NBEA: variants seen among roughly 807,000 people sequenced by gnomAD.
NBEA encodes the protein lysosomal-trafficking regulator 2.
In NBEA, 44 loss-of-function variants were observed where a neutral mutation model predicts 343.4. The observed-to-expected ratio is 0.13, with a 90% CI of 0.10 to 0.16. The LOEUF (loss-of-function observed/expected upper bound fraction) is 0.16. Ranked by LOEUF, NBEA falls within the 10% of genes least tolerant of loss-of-function variation. The probability of loss-of-function intolerance (pLI) is 1.00; values close to 1 mark genes in which losing one functional copy is unlikely to be tolerated. For synonymous variants in NBEA, 1,175 were observed against 1,238.7 expected (o/e 0.95, Z 1.08); for missense variants, 2,555 against 3,631.3 (o/e 0.70, Z 7.62).
intron 36 of NBEA, among the ~76,000 whole-genome samples, chr13:35,337,070 G>A (rs890493535): frequency 1.3e-5 from 2 of 152,090 alleles, no homozygotes; most frequent in Admixed American, 6.6e-5. Context: ...AAAATATTTA[G>A]TTAGTACAAA....
intron 39 of NBEA, among the ~76,000 whole-genome samples, chr13:35,434,862 T>A (rs934323108): frequency 6.6e-6 from 1 of 152,202 alleles, no homozygotes; most frequent in Non-Finnish European, 1.5e-5. Flanking sequence ...TACATGTCAA[T>A]AATTATTACA....
intron 41 of NBEA, among the ~76,000 whole-genome samples, chr13:35,515,791 T>C (rs1778165497): frequency 6.6e-6 from 1 of 152,064 alleles, no homozygotes; most frequent in South Asian, 2.1e-4. Flanking sequence ...CTTTGTTAAA[T>C]GAAGGGTGTG....
intron 36 of NBEA, among the ~76,000 whole-genome samples, chr13:35,322,145 G>GA (rs1053076740): frequency 1.1e-4 from 16 of 151,172 alleles, no homozygotes; most frequent in Admixed American, 2.0e-4. Context: ...ACTGGGATGT[G>GA]AAAAAAAAAC....
In NBEA at chr13:35,352,276, C is replaced by T. The variant is rs749281887; in HGVS notation, c.6132C>T (p.Leu2044=). The stretch of plus-strand genomic sequence containing the variant: ...CAAATCAGCTGAAACAGAAGATTCT[C>T]AATATTCTCACAAATAAACATGGTG... ...VTANQLKQKI[L]NILTNKHGAW... Residue 2044 remains leucine (L), a synonymous_variant, in exon 38 of 59, where the codon CTC becomes CTT. Coordinates refer to ENST00000379939, the MANE Select transcript of NBEA (RefSeq NM_001385012.1). The T allele has an allele frequency of 1.5e-5, 23 of 1,546,138 alleles. No individual in the cohort carries two copies. The highest frequency in any genetic ancestry group is 2.4e-5 in the East Asian group (1 of 42,038).
At chr13:35,637,436 A>G (rs2153070825) in intron 49 of NBEA, among the ~76,000 whole-genome samples, 1 of 152,288 alleles carries the variant, frequency 6.6e-6, no homozygotes, top group Middle Eastern at 3.4e-3. Flanking sequence ...GACCCAGCAA[A>G]TTCTACTTCC....
chr13:35,381,183 T>C (rs1284877347), intron 38 of NBEA, among the ~76,000 whole-genome samples: 1 of 152,186 alleles, frequency 6.6e-6, no homozygotes, highest in Non-Finnish European at 1.5e-5. Flanking sequence ...TGGCAATGTT[T>C]TTGGTACCTA....
At chr13:35,551,540 T>C (rs2079325749) in intron 43 of NBEA, among the ~76,000 whole-genome samples, 1 of 152,228 alleles carries the variant, frequency 6.6e-6, no homozygotes, top group South Asian at 2.1e-4. Flanking sequence ...TGAAATCTTA[T>C]ATTATTAAAA....
chr13:35,177,345 A>T (rs544857314), intron 28 of NBEA, among the ~76,000 whole-genome samples: 1 of 151,902 alleles, frequency 6.6e-6, no homozygotes, highest in South Asian at 2.1e-4. Context: ...TAAGAATAGG[A>T]CTAGCTCTGA....
chr13:35,445,804 A>G (rs915918530), intron 39 of NBEA, among the ~76,000 whole-genome samples: 2 of 138,032 alleles, frequency 1.4e-5, no homozygotes, highest in Admixed American at 1.4e-4. Flanking sequence ...ATATATATAT[A>G]TATATATATA....
intron 2 of NBEA, among the ~76,000 whole-genome samples, chr13:35,041,822 G>A (rs2062661922): frequency 6.6e-6 from 1 of 151,886 alleles, no homozygotes; most frequent in Non-Finnish European, 1.5e-5. Context: ...CTCCTGTGTG[G>A]CTAGATGCAT....
intron 38 of NBEA, among the ~76,000 whole-genome samples, chr13:35,395,486 A>G (rs1487842800): frequency 6.6e-6 from 1 of 152,034 alleles, no homozygotes; most frequent in Non-Finnish European, 1.5e-5. Flanking sequence ...TATTTCCTAT[A>G]TAGCCTACAG....
In NBEA at chr13:35,530,866, C is replaced by T. The variant is rs1435146173; in HGVS notation, c.6586-19611C>T. On this transcript the variant is annotated intron_variant, in intron 41 of 58. Transcript: ENST00000379939. The stretch of plus-strand genomic sequence containing the variant: ...ACATAGGATCATTACTAACAGTCTA[C>T]ACTGTCAAATACACTGCTCTTTAGA... Among the ~76,000 whole-genome samples, 4 of 152,142 alleles carry T rather than the reference C, an allele frequency of 2.6e-5. No individual in the cohort carries two copies. The East Asian group carries it at 5.8e-4, about 22-fold the overall frequency.
chr13:34,965,020 G>A (rs2059775928), intron 1 of NBEA, among the ~76,000 whole-genome samples: 3 of 151,990 alleles, frequency 2.0e-5, no homozygotes, highest in African/African-American at 7.2e-5. Flanking sequence ...TTCAGACTTG[G>A]TGATACATAT....
At chr13:35,529,562 T>G (rs2078156256) in intron 41 of NBEA, among the ~76,000 whole-genome samples, 1 of 152,222 alleles carries the variant, frequency 6.6e-6, no homozygotes, top group African/African-American at 2.4e-5. Context: ...ACAATCAACC[T>G]ATGCATATTA....
intron 53 of NBEA, among the ~76,000 whole-genome samples, chr13:35,653,934 A>G (rs2084681951): frequency 6.6e-6 from 1 of 152,338 alleles, no homozygotes; most frequent in East Asian, 1.9e-4. Flanking sequence ...TCTTGTCCTT[A>G]CTGACTTTTG....
rs149583236 is a variant in NBEA, at chr13:35,066,963, C to T, written c.1240-2945C>T. On this transcript the variant is annotated intron_variant, in intron 8 of 58. Coordinates refer to ENST00000379939, the MANE Select transcript of NBEA (RefSeq NM_001385012.1). ...CATTTCTTTAGTGATTGCAGTAGAG[C>T]TTACCATATACATCTTAACTCACTG... Among the ~76,000 whole-genome samples the T allele has an allele frequency of 1.9e-3, 294 of 152,010 alleles. 6 individuals carry two copies. The East Asian group carries it at 0.026, about 13-fold the overall frequency.
intron 53 of NBEA, among the ~76,000 whole-genome samples, chr13:35,653,988 A>G (rs1266732054): frequency 2.0e-5 from 3 of 152,196 alleles, no homozygotes; most frequent in Non-Finnish European, 4.4e-5. Flanking sequence ...AATTATTTTT[A>G]TACTGTTAGT....
At chr13:34,953,692 A>G (rs1014269659) in intron 1 of NBEA, among the ~76,000 whole-genome samples, 1 of 152,182 alleles carries the variant, frequency 6.6e-6, no homozygotes, top group Non-Finnish European at 1.5e-5. Context: ...AATATATGAG[A>G]AAAAAATGGA....
At chr13:35,179,687 T>C in intron 28 of NBEA, 2 of 699,644 alleles carry the variant, frequency 2.9e-6, no homozygotes, top group Non-Finnish European at 3.5e-6. Flanking sequence ...TCCACACATA[T>C]TTGTTGAATG....
Sources: gnomAD v4.1 joint callset for allele counts (sites outside exome capture counted in the v4.1 genomes callset) on GRCh38, gnomAD v4.1.1 for gene constraint, MANE v1.5 for transcripts, NCBI Gene and HGNC (gene_info 2026-07-23, HGNC 2026-07-21) for gene names.